Variants in ZNF124 observed in about 807,000 individuals in gnomAD.
ZNF124 encodes the protein zinc finger protein HZF-16.
In ZNF124, 25 loss-of-function variants were observed where a neutral mutation model predicts 26.6. The observed-to-expected ratio is 0.94, with a 90% CI of 0.68 to 1.31. The LOEUF (loss-of-function observed/expected upper bound fraction) is 1.31. Ranked by LOEUF, ZNF124 falls within the 40% of genes most tolerant of loss-of-function variation. The pLI is 0.00. For missense variants in ZNF124, 444 were observed against 422.2 expected (o/e 1.05, Z -0.45); for synonymous variants, 129 against 133.3 (o/e 0.97, Z 0.22).
At chr1:247,149,757 T>A (rs1672878502) in intron 3 of ZNF124, 1 of 152,238 alleles carries the variant, frequency 6.6e-6, no homozygotes, top group African/African-American at 2.4e-5. Flanking sequence ...CATTCTAATG[T>A]ACAGCACGGG....
intron 3 of ZNF124, among the ~76,000 whole-genome samples, chr1:247,149,547 TGAA>T (rs1413010034): frequency 6.6e-6 from 1 of 152,228 alleles, no homozygotes; most frequent in Non-Finnish European, 1.5e-5. Flanking sequence ...TGTGAAAATA[TGAA>T]GCTGGAGAAT....
rs926060717 is a variant in ZNF124 at position 247,168,295 on chromosome 1, G to A, written c.30+3553C>T. Among the ~76,000 whole-genome samples the A allele has an allele frequency of 6.6e-6, 1 of 152,124 alleles. No individual in the cohort carries two copies. Reference sequence around the variant, plus strand: ...TGCAATCCCAGCACTTTGGGAGGCTGAGGCAGGTGGATAACCTGACATCAG... The same window carrying A: ...TGCAATCCCAGCACTTTGGGAGGCTAAGGCAGGTGGATAACCTGACATCAG... On this transcript the variant is annotated intron_variant, in intron 1 of 3. Coordinates refer to ENST00000543802, the MANE Select transcript of ZNF124 (RefSeq NM_001297568.2). The surrounding 1 kb of genome is among the most constrained non-coding windows in gnomAD (Gnocchi z 4.0).
intron 3 of ZNF124, among the ~76,000 whole-genome samples, chr1:247,137,366 A>G (rs12076177): frequency 0.31 from 44,983 of 146,866 alleles, 7,799 homozygotes; most frequent in African/African-American, 0.47. Context: ...TAGGGAGGCC[A>G]GGTGCAGTGG....
At chr1:247,169,658 C>T (rs1177714927) in intron 1 of ZNF124, among the ~76,000 whole-genome samples, 21 of 150,558 alleles carry the variant, frequency 1.4e-4, no homozygotes, top group African/African-American at 4.2e-4. Context: ...TGCCTCACTG[C>T]GGGGCGGGGT....
chr1:247,157,169 T>C lies in ZNF124; in HGVS notation c.453A>G (p.Glu151=), dbSNP rs1389262030. The C allele has an allele frequency of 6.2e-7, 1 of 1,613,888 alleles. No homozygotes were observed. The highest frequency in any genetic ancestry group is 1.3e-5 in the African/African-American group (1 of 74,908). ...QRNHTGEKPY[E]CMECGKALGF... is the part of the protein sequence containing the mutation. ...CTAAGGCTTTCCCACATTCCATACA[T>C]TCATAGGGTTTCTCTCCAGTGTGAT... The change falls in exon 4 of 4, where the codon GAA becomes GAG. Residue 151 remains glutamate (E), a synonymous_variant. Transcript: ENST00000543802.
intron 3 of ZNF124, among the ~76,000 whole-genome samples, chr1:247,125,638 G>A (rs1672198693): frequency 7.7e-6 from 1 of 130,612 alleles, no homozygotes; most frequent in South Asian, 2.5e-4. Flanking sequence ...CACCACATTC[G>A]CCAGGCTGGT....
rs141852046 is a variant in ZNF124 at position 247,139,011 on chromosome 1, C to T, written c.219-15140G>A. Among the ~76,000 whole-genome samples the T allele has an allele frequency of 1.4e-4, 21 of 152,336 alleles. 1 individual carries two copies. The East Asian group carries it at 2.1e-3, about 15-fold the overall frequency. On this transcript the variant is annotated intron_variant, in intron 3 of 3. Transcript: ENST00000472531. ...TACCGATGACCTGAAAGCTCCCTCC[C>T]GACTTCAAGTTGTCCTGCTTTTGCT... is the stretch of plus-strand genomic sequence containing the variant.
chr1:247,172,113 C>T (rs2103145568), upstream of ZNF124: 1 of 114,712 alleles, frequency 8.7e-6, no homozygotes, highest in Admixed American at 9.2e-5. Context: ...TCAGGCCCCG[C>T]CCCCTCAGAC....
rs1188822378 is a variant in ZNF124, at chr1:247,157,329, T to C, written c.293A>G (p.Gln98Arg). The change falls in exon 4 of 4, where the codon CAA becomes CGA. Residue 98 changes from glutamine to arginine, a missense_variant. By Grantham distance (43) the Gln-to-Arg change is conservative. Coordinates refer to ENST00000543802, the MANE Select transcript of ZNF124 (RefSeq NM_001297568.2). Reference protein sequence around the residue: ...ECGKKPCTCKQCQKTSLSVTR... With the variant: ...ECGKKPCTCKRCQKTSLSVTR... ...GACAGAAAGGGAAGTTTTCTGACATTGTTTACATGTACATGGCTTCTTTCC... is the reference window on the plus strand; with the variant it reads ...GACAGAAAGGGAAGTTTTCTGACATCGTTTACATGTACATGGCTTCTTTCC... 6.4e-7 allele frequency: 1 copy of C among 1,571,146 alleles called. No homozygotes were observed. The highest frequency in any genetic ancestry group is 8.6e-7 in the Non-Finnish European group (1 of 1,156,504).
At chr1:247,138,715 C>T (rs985339459) in intron 3 of ZNF124, 34 of 398,492 alleles carry the variant, frequency 8.5e-5, no homozygotes, top group African/African-American at 6.6e-4. Flanking sequence ...CCAAAACTTA[C>T]TAGAGTAGAA....
intron 3 of ZNF124, among the ~76,000 whole-genome samples, chr1:247,136,145 C>T (rs1672478870): frequency 6.6e-6 from 1 of 151,984 alleles, no homozygotes; most frequent in African/African-American, 2.4e-5. Context: ...TCTCACCACT[C>T]CTAAGTTCTG....
chr1:247,163,889 A>C lies in ZNF124; in HGVS notation c.31-4076T>G, dbSNP rs186020221. On this transcript the variant is annotated intron_variant, in intron 1 of 3. Transcript: ENST00000543802. ...TGATGAACATAGATGAAAAATCCAC[A>C]GATGTAAAATACTAGCAAACCAAAT... Among the ~76,000 whole-genome samples, 268 of 152,324 alleles carry C rather than the reference A, an allele frequency of 1.8e-3. 2 individuals carry two copies. The highest frequency in any genetic ancestry group is 6.2e-3 in the African/African-American group (256 of 41,574).
rs571891393 is a variant in ZNF124 at position 247,141,143 on chromosome 1, T to C, written c.219-17272A>G. Among the ~76,000 whole-genome samples the C allele has an allele frequency of 5.3e-5, 8 of 151,386 alleles. No homozygotes were observed. In the South Asian group the frequency reaches 1.7e-3, roughly 32 times the overall value. On this transcript the variant is annotated intron_variant, in intron 3 of 3. Transcript: ENST00000472531. ...CTGTGCTGTGGGACCAAGCCCAGGG[T>C]TTCCTATCTGGTGACAAGCAGGGGG...
chr1:247,157,177 G>A lies in ZNF124; in HGVS notation c.445C>T (p.Pro149Ser), dbSNP rs1401353186. ...TTCCCACATTCCATACATTCATAGG[G>A]TTTCTCTCCAGTGTGATTTCTCTGA... ...IHQRNHTGEK[P>S]YECMECGKAL... The change falls in exon 4 of 4, where the codon CCC becomes TCC. Residue 149 changes from proline (P) to serine (S), a missense_variant. By Grantham distance (74) the Pro-to-Ser change is moderately conservative (BLOSUM62 -1). Coordinates refer to ENST00000543802, the MANE Select transcript of ZNF124 (RefSeq NM_001297568.2). The A allele has an allele frequency of 1.2e-6, 2 of 1,614,038 alleles. No individual in the cohort carries two copies. The highest frequency in any genetic ancestry group is 1.7e-6 in the Non-Finnish European group (2 of 1,179,908).
At chr1:247,167,642 C>G (rs953263120) in intron 1 of ZNF124, among the ~76,000 whole-genome samples, 3 of 152,168 alleles carry the variant, frequency 2.0e-5, no homozygotes, top group African/African-American at 7.2e-5. Context: ...AAAAACTCTT[C>G]TAAACATTGG....
At chr1:247,151,564 CAAGTAAA>C (rs1279231246), downstream of ZNF124, among the ~76,000 whole-genome samples, 2 of 150,940 alleles carry the variant, frequency 1.3e-5, no homozygotes, top group African/African-American at 4.9e-5. Context: ...AAAAGTGTTA[CAAGTAAA>C]AAGTGGTACA....
In ZNF124 at chr1:247,156,185, G is replaced by A. The variant is rs1673120987; in HGVS notation, c.*381C>T. 3.0e-6 allele frequency: 3 copies of A among 996,272 alleles called. No individual in the cohort carries two copies. In the African/African-American group the frequency reaches 5.2e-5, roughly 17 times the overall value. 61.7% of individuals were successfully genotyped at this position (996,272 alleles called of 1,614,324 possible). A position where few individuals can be genotyped will look rare whatever the true frequency, so the allele number is the denominator to read the frequency against. On this transcript the variant is annotated 3_prime_UTR_variant, in exon 4 of 4. Coordinates refer to ENST00000543802, the MANE Select transcript of ZNF124 (RefSeq NM_001297568.2). Reference sequence around the variant, plus strand: ...TTCTTTTATTTATAAGGTCAATCTGGAGTATGTGTTACCATGTGTCTCTGA... The same window carrying A: ...TTCTTTTATTTATAAGGTCAATCTGAAGTATGTGTTACCATGTGTCTCTGA...
At chr1:247,159,438 A>G (rs1572088946) in intron 2 of ZNF124, among the ~76,000 whole-genome samples, 1 of 152,204 alleles carries the variant, frequency 6.6e-6, no homozygotes, top group Non-Finnish European at 1.5e-5. Context: ...ACCAGATGCA[A>G]CCTTGGACTT....
chr1:247,164,681 A>G (rs77708286), intron 1 of ZNF124, among the ~76,000 whole-genome samples: 17,426 of 152,178 alleles, frequency 0.11, 1,280 homozygotes, highest in African/African-American at 0.18. Context: ...TATTGCTAAA[A>G]TGGTCCAACT....
Sources: gnomAD v4.1 joint callset for allele counts (sites outside exome capture counted in the v4.1 genomes callset) on GRCh38, gnomAD v4.1.1 for gene constraint, Gnocchi (gnomAD v3.1) non-coding constraint, MANE v1.5 for transcripts, NCBI Gene and HGNC (gene_info 2026-07-23, HGNC 2026-07-21) for gene names.